The following OARD1 variants were observed in gnomAD, a reference collection of about 807,000 sequenced individuals.
OARD1 encodes the protein O-acyl-ADP-ribose deacylase 1, also known as ADP-ribose glycohydrolase OARD1.
Under a neutral mutation model 19.7 loss-of-function variants are expected in OARD1, and 19 were observed. The observed-to-expected ratio is 0.96, with a 90% CI of 0.67 to 1.41. The LOEUF is 1.41. Among genes scored for constraint, OARD1 ranks in the 40% most tolerant of loss-of-function variants. The pLI, the probability that OARD1 is intolerant of heterozygous loss-of-function variation, is 0.00. For missense variants in OARD1, 190 were observed against 183.8 expected (o/e 1.03, Z -0.20); for synonymous variants, 70 against 61.8 (o/e 1.13, Z -0.62).
chr6:41,086,656 C>T (rs921602051), intron 1 of OARD1, among the ~76,000 whole-genome samples: 1 of 152,064 alleles, frequency 6.6e-6, no homozygotes, highest in African/African-American at 2.4e-5. Context: ...TGTCCAGTCT[C>T]ATGAAAAATT....
At chr6:41,090,579 T>C (rs1019499660) in intron 1 of OARD1, among the ~76,000 whole-genome samples, 2 of 152,174 alleles carry the variant, frequency 1.3e-5, no homozygotes, top group Admixed American at 6.5e-5. Flanking sequence ...AACAGAAGAA[T>C]AGAAATAGGG....
intron 1 of OARD1, among the ~76,000 whole-genome samples, chr6:41,094,953 T>C (rs1192932323): frequency 6.6e-6 from 1 of 152,224 alleles, no homozygotes; most frequent in South Asian, 2.1e-4. Context: ...TATTACCCCA[T>C]CACAAATATA....
At position 41,066,005 on chromosome 6, in the gene OARD1, T is replaced by C. The variant is rs540773567; in HGVS notation, c.*1330A>G. 1.3e-5 allele frequency: 2 copies of C among 152,254 alleles called. No individual in the cohort carries two copies. The highest frequency in any genetic ancestry group is 3.8e-4 in the East Asian group (2 of 5,206). 9.4% of individuals were successfully genotyped at this position (152,254 alleles called of 1,614,324 possible). ...CTTTATTTTCCTACCATGACCACAATAGACGACTGGTCTTTGCAGCTTCGG... is the reference window on the plus strand; with the variant it reads ...CTTTATTTTCCTACCATGACCACAACAGACGACTGGTCTTTGCAGCTTCGG... On this transcript the variant is annotated 3_prime_UTR_variant, in exon 6 of 6. Coordinates refer to ENST00000424266, the MANE Select transcript of OARD1 (RefSeq NM_001329686.2).
In OARD1 at chr6:41,080,916, C is replaced by G. The variant is rs1226631990; in HGVS notation, c.-41-9241G>C. 4 of 1,599,626 alleles carry G rather than the reference C, an allele frequency of 2.5e-6. No homozygotes were observed. In the East Asian group the frequency reaches 6.7e-5, roughly 27 times the overall value. On this transcript the variant is annotated intron_variant, in intron 1 of 4. Coordinates refer to the OARD1 transcript ENST00000480585. ...CCAGGTAGTGGTACCCTCTCTGATT[C>G]TCTGTGAGCACTGCATGAACTTCTC... is the stretch of plus-strand genomic sequence containing the variant.
intron 1 of OARD1, among the ~76,000 whole-genome samples, chr6:41,077,934 T>C (rs1243329894): frequency 6.6e-6 from 1 of 152,220 alleles, no homozygotes; most frequent in Non-Finnish European, 1.5e-5. Flanking sequence ...TGATTAATTT[T>C]TATTTTGATT....
chr6:41,089,614 G>A lies in OARD1; in HGVS notation c.-42+8099C>T, dbSNP rs1324848990. The A allele has an allele frequency of 8.7e-6, 14 of 1,612,640 alleles. No individual in the cohort carries two copies. The East Asian group carries it at 3.1e-4, about 36-fold the overall frequency. On this transcript the variant is annotated intron_variant, in intron 1 of 4. Transcript: ENST00000480585. ...TCCCACCTGGACAGATCCAGATCCA[G>A]GGTGGACAGGCTGTGCAGGTGCAGG...
chr6:41,073,828 C>T (rs953298260), upstream of OARD1, among the ~76,000 whole-genome samples: 52 of 152,314 alleles, frequency 3.4e-4, no homozygotes, highest in Admixed American at 2.7e-3. Flanking sequence ...CGGCCCGGCG[C>T]CGTTACCACC....
In OARD1 at chr6:41,071,363, C is replaced by G. The variant is rs1454517988; in HGVS notation, c.40-87G>C. ...TTTCTGTATTTTGTGTCCCCCACGA[C>G]TACCTCTCCCGGCACCCCTTCCTCC... On this transcript the variant is annotated intron_variant, in intron 2 of 5. Transcript: ENST00000424266. 4.6e-6 allele frequency: 6 copies of G among 1,311,612 alleles called. No individual in the cohort carries two copies. The African/African-American group carries it at 8.8e-5, about 19-fold the overall frequency. 81.2% of individuals were successfully genotyped at this position (1,311,612 alleles called of 1,614,324 possible).
intron 1 of OARD1, chr6:41,090,179 T>C: frequency 6.9e-7 from 1 of 1,447,672 alleles, no homozygotes; most frequent in Non-Finnish European, 9.7e-7. Context: ...ATCTGTTGAA[T>C]TGTGTCATTA....
Position 41,065,912 on chromosome 6 carries a change from AG to A in OARD1, c.*1422del, listed in dbSNP as rs1234729363. ...TGTTTTAACTCTCAACACCACTGTA[AG>A]GGAAAACAAGAAAATGTCTAGTTTC... On this transcript the variant is annotated 3_prime_UTR_variant, in exon 6 of 6. Coordinates refer to ENST00000424266, the MANE Select transcript of OARD1 (RefSeq NM_001329686.2). The A allele has an allele frequency of 2.0e-5, 3 of 152,254 alleles. No individual in the cohort carries two copies. The highest frequency in any genetic ancestry group is 4.4e-5 in the Non-Finnish European group (3 of 68,052). The allele number at this position is 152,254 out of a possible 1,614,324, so 9.4% of individuals were successfully genotyped here.
At chr6:41,094,414 C>T in intron 1 of OARD1, 1 of 1,614,078 alleles carries the variant, frequency 6.2e-7, no homozygotes, top group Non-Finnish European at 8.5e-7. Context: ...GCATGAGTCT[C>T]GGCACCGTCA....
At chr6:41,071,009 G>C (rs772032065) in intron 3 of OARD1, 123 bp downstream of exon 3, 97 of 1,049,168 alleles carry the variant, frequency 9.2e-5, no homozygotes. Context: ...TTCTTGGGGA[G>C]GAAAATCTTA....
At chr6:41,090,088 C>CT in intron 1 of OARD1, 1 of 674,004 alleles carries the variant, frequency 1.5e-6, no homozygotes, top group Non-Finnish European at 2.5e-6. Flanking sequence ...GCACTCCAGC[C>CT]TGGCGACAGA....
In OARD1 at chr6:41,069,255, G is replaced by C. The variant is rs1452176194; in HGVS notation, c.244-302C>G. The C allele has an allele frequency of 1.5e-5, 3 of 197,798 alleles. No individual in the cohort carries two copies. The East Asian group carries it at 4.0e-4, about 26-fold the overall frequency. The allele number at this position is 197,798 out of a possible 1,614,324, so 12.3% of individuals were successfully genotyped here. Reference sequence around the variant, plus strand: ...AATATTTTTAAGCAAGGTAGGTGAAGTCTCTGTGCCACTTCCAAGAGATAA... The same window carrying C: ...AATATTTTTAAGCAAGGTAGGTGAACTCTCTGTGCCACTTCCAAGAGATAA... On this transcript the variant is annotated intron_variant, in intron 4 of 5. Coordinates refer to ENST00000424266, the MANE Select transcript of OARD1 (RefSeq NM_001329686.2).
upstream of OARD1, among the ~76,000 whole-genome samples, chr6:41,073,821 C>G (rs1029256608): frequency 2.0e-5 from 3 of 152,168 alleles, no homozygotes; most frequent in Non-Finnish European, 2.9e-5. Flanking sequence ...GGGTCTCCGG[C>G]CCGGCGCCGT....
At chr6:41,082,488 A>C (rs1474131769) in intron 1 of OARD1, among the ~76,000 whole-genome samples, 1 of 152,222 alleles carries the variant, frequency 6.6e-6, no homozygotes, top group Non-Finnish European at 1.5e-5. Flanking sequence ...TGGAGTCTCA[A>C]ATCATTTATC....
chr6:41,071,064 A>G, intron 3 of OARD1, 68 bp downstream of exon 3: 1 of 1,478,356 alleles, frequency 6.8e-7, no homozygotes, highest in Non-Finnish European at 9.5e-7. Context: ...CGCATATTTT[A>G]TTAAAGTGTA....
intron 1 of OARD1, chr6:41,091,767 A>G (rs1375408287): frequency 1.3e-6 from 2 of 1,540,124 alleles, no homozygotes; most frequent in African/African-American, 2.7e-5. Context: ...CCTAAAATTT[A>G]TTATGTTGAC....
At chr6:41,072,945 G>T (rs887098558), upstream of OARD1, 1 of 154,212 alleles carries the variant, frequency 6.5e-6, no homozygotes, top group South Asian at 1.8e-4. Flanking sequence ...AGGGAGGCCC[G>T]ATTCCCCTTT....
Sources: gnomAD v4.1 joint callset for allele counts (sites outside exome capture counted in the v4.1 genomes callset) on GRCh38, gnomAD v4.1.1 for gene constraint, MANE v1.5 for transcripts, NCBI Gene and HGNC (gene_info 2026-07-23, HGNC 2026-07-21) for gene names.